CCDC146: variants seen among roughly 807,000 people sequenced by gnomAD.
CCDC146 encodes coiled-coil domain-containing protein 146.
A neutral mutation model predicts 119.3 loss-of-function variants in CCDC146; 92 were observed. The ratio of observed to expected loss-of-function variants is 0.77; its 90% CI spans 0.65 to 0.92. The LOEUF (loss-of-function observed/expected upper bound fraction) is 0.92. Ranked by LOEUF, CCDC146 falls within the 40% of genes least tolerant of loss-of-function variation. CCDC146 has a pLI of 0.00. For missense variants in CCDC146, 1,000 were observed against 1,103.0 expected (o/e 0.91, Z 1.32); for synonymous variants, 372 against 371.8 (o/e 1.00, Z -0.01).
intron 2 of CCDC146, among the ~76,000 whole-genome samples, chr7:77,214,738 G>A (rs1584079660): frequency 6.6e-6 from 1 of 152,074 alleles, no homozygotes; most frequent in African/African-American, 2.4e-5. Context: ...AGATCAGTTG[G>A]TTGTAGTATA....
intron 2 of CCDC146, among the ~76,000 whole-genome samples, chr7:77,216,892 C>T (rs1486655570): frequency 6.6e-6 from 1 of 152,138 alleles, no homozygotes; most frequent in Non-Finnish European, 1.5e-5. Flanking sequence ...CTGAATGTTT[C>T]CTGTTTTGCA....
At chr7:77,143,097 G>T (rs1175023453) in intron 1 of CCDC146, among the ~76,000 whole-genome samples, 1 of 151,762 alleles carries the variant, frequency 6.6e-6, no homozygotes, top group Non-Finnish European at 1.5e-5. Flanking sequence ...ACTTTTTAAT[G>T]ATTGCCATTC....
intron 2 of CCDC146, among the ~76,000 whole-genome samples, chr7:77,188,369 G>A (rs1180307210): frequency 6.6e-6 from 1 of 151,996 alleles, no homozygotes; most frequent in African/African-American, 2.4e-5. Flanking sequence ...AAGGAAAAGG[G>A]GAGTAAAACT....
In CCDC146 at chr7:77,157,631, A is replaced by T. The variant is rs182910089; in HGVS notation, c.-11-10027A>T. 9.1e-4 allele frequency among the ~76,000 whole-genome samples: 139 copies of T among 152,268 alleles called. 1 individual carries two copies. The highest frequency in any genetic ancestry group is 3.2e-3 in the African/African-American group (132 of 41,556). On this transcript the variant is annotated intron_variant, in intron 1 of 18. Coordinates refer to ENST00000285871, the MANE Select transcript of CCDC146 (RefSeq NM_020879.3). ...TTATTCATGTCTTCTGCTTTCTTAA[A>T]ATCCCCTTAAGGCCACATCCTCTTC...
intron 1 of CCDC146, among the ~76,000 whole-genome samples, chr7:77,147,786 G>T (rs1791044519): frequency 6.6e-6 from 1 of 152,210 alleles, no homozygotes; most frequent in Non-Finnish European, 1.5e-5. Context: ...GTCTCAGAGG[G>T]GTACCCAGCC....
intron 1 of CCDC146, among the ~76,000 whole-genome samples, chr7:77,155,270 C>G (rs889255287): frequency 6.6e-6 from 1 of 152,026 alleles, no homozygotes; most frequent in Non-Finnish European, 1.5e-5. Flanking sequence ...TTCTATAGCC[C>G]GCTGTTTTGC....
chr7:77,212,406 G>C (rs1792202105), intron 2 of CCDC146, among the ~76,000 whole-genome samples: 1 of 152,094 alleles, frequency 6.6e-6, no homozygotes, highest in Non-Finnish European at 1.5e-5. Flanking sequence ...CGGATCACGA[G>C]GTCAGGAGAT....
chr7:77,278,339 G>A (rs1793691154), intron 11 of CCDC146, among the ~76,000 whole-genome samples: 1 of 151,360 alleles, frequency 6.6e-6, no homozygotes, highest in Admixed American at 6.6e-5. Flanking sequence ...TTAACAGTTT[G>A]TCTTAGCCAA....
At chr7:77,280,164 C>G (rs1439383464) in intron 13 of CCDC146, among the ~76,000 whole-genome samples, 1 of 151,988 alleles carries the variant, frequency 6.6e-6, no homozygotes, top group Non-Finnish European at 1.5e-5. Flanking sequence ...ACTGCAGTCT[C>G]TCGCTTTGAT....
intron 2 of CCDC146, among the ~76,000 whole-genome samples, chr7:77,168,958 A>G (rs2117488020): frequency 6.6e-6 from 1 of 152,208 alleles, no homozygotes; most frequent in East Asian, 1.9e-4. Flanking sequence ...TAACATTGAT[A>G]TAATACCATT....
At chr7:77,156,199 G>A (rs1791177160) in intron 1 of CCDC146, among the ~76,000 whole-genome samples, 1 of 152,156 alleles carries the variant, frequency 6.6e-6, no homozygotes, top group Non-Finnish European at 1.5e-5. Context: ...TAACATGTCT[G>A]AACATTAACT....
chr7:77,158,637 A>G (rs1186582259), intron 1 of CCDC146, among the ~76,000 whole-genome samples: 1 of 152,044 alleles, frequency 6.6e-6, no homozygotes, highest in Non-Finnish European at 1.5e-5. Context: ...CTCCTGCCTC[A>G]GCCTCCTGAG....
rs563354305 is a variant in CCDC146, at chr7:77,130,585, T to C, written c.-12+7853T>C. 9.4e-5 allele frequency among the ~76,000 whole-genome samples: 14 copies of C among 149,176 alleles called. No homozygotes were observed. In the East Asian group the frequency reaches 2.2e-3, roughly 23 times the overall value. Reference sequence around the variant, plus strand: ...ACCCAGAGCTTCATAGCCAGCATAATATCCTTTCTTTCTTTTTTTTTTTTT... The same window carrying C: ...ACCCAGAGCTTCATAGCCAGCATAACATCCTTTCTTTCTTTTTTTTTTTTT... On this transcript the variant is annotated intron_variant, in intron 1 of 18. Transcript: ENST00000285871.
intron 10 of CCDC146, 133 bp from the exon 11 acceptor site, chr7:77,274,349 G>A (rs185102878): frequency 9.2e-5 from 54 of 588,656 alleles, no homozygotes; most frequent in East Asian, 2.7e-4. Context: ...AATTACAGGC[G>A]TGAGCCACCA....
At chr7:77,293,235 G>A in intron 18 of CCDC146, 35 bp downstream of exon 18, 1 of 1,599,422 alleles carries the variant, frequency 6.3e-7, no homozygotes, top group Non-Finnish European at 8.5e-7. Flanking sequence ...TTTCTAAAGG[G>A]TGCCAGCAGG....
chr7:77,160,742 C>T (rs1001654267), intron 1 of CCDC146, among the ~76,000 whole-genome samples: 1 of 152,126 alleles, frequency 6.6e-6, no homozygotes, highest in Non-Finnish European at 1.5e-5. Flanking sequence ...TCCTCTTTTC[C>T]TAATTGAATA....
At chr7:77,204,290 T>A (rs1792046454) in intron 2 of CCDC146, among the ~76,000 whole-genome samples, 1 of 152,154 alleles carries the variant, frequency 6.6e-6, no homozygotes, top group Admixed American at 6.5e-5. Flanking sequence ...TCCTTAGAGG[T>A]CTTAGTCCTT....
intron 2 of CCDC146, among the ~76,000 whole-genome samples, chr7:77,204,131 T>C (rs975705730): frequency 2.0e-5 from 3 of 152,198 alleles, no homozygotes; most frequent in African/African-American, 7.2e-5. Context: ...GATATTAAGC[T>C]TATTAACATT....
chr7:77,139,489 G>A (rs1458661203), intron 1 of CCDC146, among the ~76,000 whole-genome samples: 1 of 152,218 alleles, frequency 6.6e-6, no homozygotes, highest in Admixed American at 6.5e-5. Context: ...ACAACGCTAA[G>A]AGTGAACTCT....
Sources: gnomAD v4.1 joint callset for allele counts (sites outside exome capture counted in the v4.1 genomes callset) on GRCh38, gnomAD v4.1.1 for gene constraint, MANE v1.5 for transcripts, NCBI Gene and HGNC (gene_info 2026-07-23, HGNC 2026-07-21) for gene names.